The following PTPRD variants were observed in gnomAD, a reference collection of about 807,000 sequenced individuals.
PTPRD encodes the protein receptor-type tyrosine-protein phosphatase delta.
PTPRD carries 34 observed loss-of-function variants against 214.5 expected under a neutral mutation model. The ratio of observed to expected loss-of-function variants is 0.16; its 90% CI spans 0.12 to 0.21. The LOEUF is 0.21. Ranked by LOEUF, PTPRD falls within the 10% of genes least tolerant of loss-of-function variation. PTPRD has a pLI of 1.00. For missense variants in PTPRD, 2,545 were observed against 2,398.7 expected, an observed-to-expected ratio of 1.06 and a Z score of -1.27; for synonymous variants, 1,128 against 845.7, an observed-to-expected ratio of 1.33 and a Z score of -5.79.
In PTPRD at chr9:9,397,917, C is replaced by T. The variant is rs117137404; in HGVS notation, c.-236-435G>A. On this transcript the variant is annotated intron_variant, in intron 8 of 45. Coordinates refer to ENST00000381196, the MANE Select transcript of PTPRD (RefSeq NM_002839.4). Reference sequence around the variant, plus strand: ...CTCAAAAATTCTCTTTGTTGCCTACCTAAAACAAACTAAAGTGTTTAGCAT... The same window carrying T: ...CTCAAAAATTCTCTTTGTTGCCTACTTAAAACAAACTAAAGTGTTTAGCAT... Among the ~76,000 whole-genome samples the T allele has an allele frequency of 8.9e-4, 136 of 152,028 alleles. No homozygotes were observed. The East Asian group carries it at 0.01, about 11-fold the overall frequency.
chr9:10,103,056 A>C (rs941233303), intron 3 of PTPRD, among the ~76,000 whole-genome samples: 44 of 151,778 alleles, frequency 2.9e-4, no homozygotes, highest in African/African-American at 1.0e-3. Context: ...AAATTTAATA[A>C]TGTAAACAAC....
chr9:8,744,631 C>A (rs888200308), intron 11 of PTPRD, among the ~76,000 whole-genome samples: 2 of 152,198 alleles, frequency 1.3e-5, no homozygotes, highest in Admixed American at 6.5e-5. Context: ...ATATAATGGA[C>A]TTTGGGGACT....
intron 7 of PTPRD, among the ~76,000 whole-genome samples, chr9:9,728,804 C>T (rs894016487): frequency 1.3e-5 from 2 of 151,932 alleles, no homozygotes; most frequent in East Asian, 3.9e-4. Context: ...AGAAAGTAGA[C>T]CATTTTGAGT....
intron 2 of PTPRD, among the ~76,000 whole-genome samples, chr9:10,394,793 G>A (rs1264795777): frequency 2.9e-5 from 4 of 139,308 alleles, no homozygotes; most frequent in Non-Finnish European, 6.3e-5. Flanking sequence ...TAGAATAAAC[G>A]TCAATATAAA....
At chr9:8,650,050 G>T (rs574898975) in intron 12 of PTPRD, among the ~76,000 whole-genome samples, 1 of 151,890 alleles carries the variant, frequency 6.6e-6, no homozygotes, top group Non-Finnish European at 1.5e-5. Context: ...CCCGAGCAGC[G>T]AGGACTATGG....
chr9:8,537,231 C>T (rs1258131500), intron 14 of PTPRD, among the ~76,000 whole-genome samples: 1 of 151,854 alleles, frequency 6.6e-6, no homozygotes, highest in African/African-American at 2.4e-5. Context: ...CAAAGTTGGG[C>T]TCTTGGGCCA....
chr9:8,616,460 A>G (rs72698231), intron 14 of PTPRD, among the ~76,000 whole-genome samples: 178 of 152,258 alleles, frequency 1.2e-3, no homozygotes, highest in South Asian at 1.9e-3. Flanking sequence ...CATGTGTTAA[A>G]GGAAAGAAGT....
chr9:9,170,228 C>T (rs1214883179), intron 10 of PTPRD, among the ~76,000 whole-genome samples: 1 of 152,112 alleles, frequency 6.6e-6, no homozygotes, highest in African/African-American at 2.4e-5. Context: ...GAATCTGACA[C>T]TAAGCTGAAT....
chr9:9,514,443 C>T (rs900897086), intron 8 of PTPRD, among the ~76,000 whole-genome samples: 4 of 152,036 alleles, frequency 2.6e-5, no homozygotes, highest in Non-Finnish European at 4.4e-5. Flanking sequence ...AAGACAAGTA[C>T]TTGGAATTCC....
At chr9:10,024,466 T>C (rs1418124225) in intron 4 of PTPRD, among the ~76,000 whole-genome samples, 1 of 152,172 alleles carries the variant, frequency 6.6e-6, no homozygotes, top group African/African-American at 2.4e-5. Context: ...TTAACTTTCA[T>C]AATGTGATAC....
intron 8 of PTPRD, among the ~76,000 whole-genome samples, chr9:9,525,831 A>G (rs1393394685): frequency 6.6e-6 from 1 of 151,246 alleles, no homozygotes; most frequent in Non-Finnish European, 1.5e-5. Context: ...TTTTTTGTAC[A>G]AACAGGGACA....
chr9:10,214,657 C>G (rs903686703), intron 3 of PTPRD, among the ~76,000 whole-genome samples: 5 of 151,978 alleles, frequency 3.3e-5, no homozygotes, highest in Admixed American at 3.3e-4. Context: ...ATGTTTATCA[C>G]CTAACACAAG....
chr9:10,087,750 T>C (rs1488603292), intron 3 of PTPRD, among the ~76,000 whole-genome samples: 1 of 151,682 alleles, frequency 6.6e-6, no homozygotes, highest in Non-Finnish European at 1.5e-5. Flanking sequence ...ATTGCAACAA[T>C]TATTATGGGA....
At chr9:8,551,783 A>G (rs1036908511) in intron 14 of PTPRD, among the ~76,000 whole-genome samples, 4 of 152,248 alleles carry the variant, frequency 2.6e-5, no homozygotes, top group Non-Finnish European at 2.9e-5. Context: ...ATGAGGACCA[A>G]ATCAACCTCT....
chr9:8,673,461 A>G (rs976224618), intron 12 of PTPRD, among the ~76,000 whole-genome samples: 1 of 152,166 alleles, frequency 6.6e-6, no homozygotes, highest in Non-Finnish European at 1.5e-5. Flanking sequence ...TAGTAATAGC[A>G]TATACTTTTC....
intron 3 of PTPRD, among the ~76,000 whole-genome samples, chr9:10,144,789 T>C (rs993012779): frequency 6.6e-5 from 10 of 152,064 alleles, no homozygotes; most frequent in Admixed American, 3.9e-4. Flanking sequence ...CTCTCTCTAA[T>C]GGATTATAAT....
Position 8,497,267 on chromosome 9 carries a change from C to T in PTPRD, c.2324G>A (p.Trp775Ter), listed in dbSNP as rs747543296. ...ATGTTCAGTAGTATCATCAAATTCC[C>T]ACTGATTGAGAATAAGAAGGTTGGG... ...LKDVMLADAQ[W>*]EFDDTTEHDM... The change falls in exon 26 of 46, where the codon TGG becomes TAG. Residue 775 changes from tryptophan (W) to a stop codon, truncating the protein, a stop_gained and splice_region_variant. Coordinates refer to ENST00000381196, the MANE Select transcript of PTPRD (RefSeq NM_002839.4). LOFTEE classifies it high-confidence loss of function. The T allele has an allele frequency of 2.9e-5, 47 of 1,593,520 alleles. No homozygotes were observed. Among genetic ancestry groups the T allele is most frequent in the Non-Finnish European group, 3.8e-5 (45 of 1,172,300 alleles).
intron 10 of PTPRD, among the ~76,000 whole-genome samples, chr9:9,163,514 C>G (rs995412038): frequency 1.1e-4 from 16 of 152,076 alleles, no homozygotes; most frequent in African/African-American, 3.4e-4. Context: ...CACCGAGATC[C>G]AAGCCAATAC....
chr9:8,564,169 G>C (rs966365949), intron 14 of PTPRD, among the ~76,000 whole-genome samples: 3 of 151,980 alleles, frequency 2.0e-5, no homozygotes, highest in Non-Finnish European at 4.4e-5. Flanking sequence ...TATATGTACT[G>C]TGTTTCCTGA....
Sources: allele counts gnomAD v4.1 joint callset (sites outside exome capture counted in the v4.1 genomes callset), GRCh38; gene constraint gnomAD v4.1.1; transcripts MANE v1.5; gene names NCBI Gene and HGNC (gene_info 2026-07-23, HGNC 2026-07-21).